SND1: variants seen among roughly 807,000 people sequenced by gnomAD.
SND1 encodes the protein staphylococcal nuclease and tudor domain containing 1.
A neutral mutation model predicts 121.7 loss-of-function variants in SND1; 38 were observed. The observed-to-expected ratio is 0.31, with a 90% confidence interval of 0.24 to 0.41. SND1 has a LOEUF of 0.41. SND1 is among the 10% of genes least tolerant of loss of function. The pLI, the probability that SND1 is intolerant of heterozygous loss-of-function variation, is 1.00. For missense variants in SND1, 868 were observed against 1,184.6 expected (o/e 0.73, Z 3.92); for synonymous variants, 401 against 447.4 (o/e 0.90, Z 1.31).
chr7:127,786,110 AC>A (rs1797807692), intron 10 of SND1, among the ~76,000 whole-genome samples: 1 of 149,080 alleles, frequency 6.7e-6, no homozygotes, highest in Non-Finnish European at 1.5e-5. Flanking sequence ...TTTTTTCTTT[AC>A]CCTTTTCTAA....
At chr7:127,938,351 TTAG>T (rs1218098822) in intron 15 of SND1, among the ~76,000 whole-genome samples, 1 of 152,188 alleles carries the variant, frequency 6.6e-6, no homozygotes, top group Non-Finnish European at 1.5e-5. Context: ...GATACATAAA[TTAG>T]TAGGATAACT....
At chr7:127,911,693 G>C (rs375001673) in intron 14 of SND1, among the ~76,000 whole-genome samples, 1 of 152,048 alleles carries the variant, frequency 6.6e-6, no homozygotes, top group Admixed American at 6.6e-5. Flanking sequence ...GTAGAGACGG[G>C]GTTTCACCAT....
At chr7:128,051,110 C>T (rs1793038882) in intron 16 of SND1, among the ~76,000 whole-genome samples, 1 of 152,200 alleles carries the variant, frequency 6.6e-6, no homozygotes, top group South Asian at 2.1e-4. Context: ...GTGCTTGCTT[C>T]CAGAGCTTCC....
chr7:127,926,405 T>A (rs1283393847), intron 14 of SND1, among the ~76,000 whole-genome samples: 1 of 152,118 alleles, frequency 6.6e-6, no homozygotes, highest in Non-Finnish European at 1.5e-5. Context: ...TCCACAGGCA[T>A]ATCACCTCAT....
intron 1 of SND1, among the ~76,000 whole-genome samples, chr7:127,671,168 C>T (rs1795510442): frequency 6.6e-6 from 1 of 152,152 alleles, no homozygotes; most frequent in Non-Finnish European, 1.5e-5. Flanking sequence ...ATTTGTCTAT[C>T]ACTGATGCTC....
At chr7:128,076,024 G>A (rs970155592) in intron 17 of SND1, among the ~76,000 whole-genome samples, 16 of 152,192 alleles carry the variant, frequency 1.1e-4, no homozygotes, top group South Asian at 2.1e-4. Context: ...GGGGTAGAGC[G>A]GCAAGCCCCA....
intron 16 of SND1, among the ~76,000 whole-genome samples, chr7:128,072,088 G>A (rs1039974263): frequency 3.3e-5 from 5 of 152,218 alleles, no homozygotes; most frequent in East Asian, 1.9e-4. Context: ...GGAGAAAGGC[G>A]AGCATGTGGA....
Position 128,029,698 on chromosome 7 carries a change from G to T in SND1, c.1779+38642G>T, listed in dbSNP as rs779786213. On this transcript the variant is annotated intron_variant, in intron 16 of 23. Transcript: ENST00000354725. The surrounding 1 kb of genome is among the most constrained non-coding windows in gnomAD (Gnocchi z 4.2). ...GAATTGGTGGGTATATACTCTCGAA[G>T]CCACCAGGCTAGCCACAGAATGTCA... is the stretch of plus-strand genomic sequence containing the variant. 52 of 1,613,838 alleles carry T rather than the reference G, an allele frequency of 3.2e-5. No homozygotes were observed. Among genetic ancestry groups the T allele is most frequent in the Non-Finnish European group, 4.2e-5 (50 of 1,180,008 alleles).
Position 128,014,362 on chromosome 7 carries a change from T to C in SND1, c.1779+23306T>C, listed in dbSNP as rs147254504. Among the ~76,000 whole-genome samples the C allele has an allele frequency of 5.5e-4, 83 of 152,254 alleles. 2 individuals are homozygous for C. In the East Asian group the frequency reaches 0.015, roughly 27 times the overall value. On this transcript the variant is annotated intron_variant, in intron 16 of 23. Transcript: ENST00000354725. ...GAAGTCCTGTCACCACCCCTAGAGATTGCAAGGTATTTGATATAGCATCTA... is the reference window on the plus strand; with the variant it reads ...GAAGTCCTGTCACCACCCCTAGAGACTGCAAGGTATTTGATATAGCATCTA...
intron 16 of SND1, among the ~76,000 whole-genome samples, chr7:128,041,294 A>T (rs1180127854): frequency 1.3e-5 from 2 of 152,116 alleles, no homozygotes; most frequent in East Asian, 3.9e-4. Context: ...ATAACAATTT[A>T]AAAAATAAGA....
intron 5 of SND1, among the ~76,000 whole-genome samples, chr7:127,701,776 C>T (rs1451402065): frequency 6.6e-6 from 1 of 152,080 alleles, no homozygotes; most frequent in South Asian, 2.1e-4. Context: ...TAAAATGGTG[C>T]AGTATTTGCC....
At chr7:127,954,616 T>A (rs1801551735) in intron 15 of SND1, among the ~76,000 whole-genome samples, 1 of 152,170 alleles carries the variant, frequency 6.6e-6, no homozygotes, top group African/African-American at 2.4e-5. Context: ...GAAGTTAGGA[T>A]CTGGAGAGCA....
intron 15 of SND1, among the ~76,000 whole-genome samples, chr7:127,975,838 C>T (rs1802107732): frequency 6.6e-6 from 1 of 152,212 alleles, no homozygotes; most frequent in South Asian, 2.1e-4. Flanking sequence ...CTCCACTCCA[C>T]TCTGACACCC....
chr7:128,033,957 T>A (rs575371276), intron 16 of SND1, among the ~76,000 whole-genome samples: 1 of 152,234 alleles, frequency 6.6e-6, no homozygotes, highest in Non-Finnish European at 1.5e-5. Flanking sequence ...CAAGAACTTA[T>A]ATCTGTTCTT....
chr7:127,872,918 A>G (rs1799624353), intron 12 of SND1, among the ~76,000 whole-genome samples: 1 of 152,278 alleles, frequency 6.6e-6, no homozygotes, highest in Non-Finnish European at 1.5e-5. Context: ...CTCTTTGACC[A>G]ACAACAGACC....
intron 12 of SND1, among the ~76,000 whole-genome samples, chr7:127,879,701 A>G (rs541355358): frequency 6.6e-6 from 1 of 152,212 alleles, no homozygotes; most frequent in African/African-American, 2.4e-5. Context: ...AATGCCTGTA[A>G]TTGTGGGGAA....
chr7:128,059,821 C>A (rs1362094725), intron 16 of SND1, among the ~76,000 whole-genome samples: 3 of 152,206 alleles, frequency 2.0e-5, no homozygotes, highest in Non-Finnish European at 4.4e-5. Flanking sequence ...AGAGCCCTGC[C>A]AAGCACAGTC....
At chr7:128,033,532 C>T (rs1046395359) in intron 16 of SND1, among the ~76,000 whole-genome samples, 12 of 152,162 alleles carry the variant, frequency 7.9e-5, no homozygotes, top group Non-Finnish European at 7.3e-5. Context: ...TCTACCACAC[C>T]TATTTCTGAG....
intron 1 of SND1, among the ~76,000 whole-genome samples, chr7:127,669,307 C>G (rs998773202): frequency 3.3e-5 from 5 of 152,078 alleles, no homozygotes; most frequent in African/African-American, 9.7e-5. Context: ...CCCCTTTTTA[C>G]AGTATATCAA....
Sources: allele counts gnomAD v4.1 joint callset (sites outside exome capture counted in the v4.1 genomes callset), GRCh38; gene constraint gnomAD v4.1.1; non-coding constraint Gnocchi (gnomAD v3.1); transcripts MANE v1.5; gene names NCBI Gene and HGNC (gene_info 2026-07-23, HGNC 2026-07-21).